The following BANP variants were observed in gnomAD, a reference collection of about 807,000 sequenced individuals.
The protein encoded by BANP is protein BANP.
A neutral mutation model predicts 68.1 loss-of-function variants in BANP; 11 were observed. The observed-to-expected ratio is 0.16, with a 90% confidence interval of 0.10 to 0.27. The LOEUF is 0.27. Among genes scored for constraint, BANP ranks in the 10% least tolerant of loss-of-function variants. The pLI is 1.00. For missense variants in BANP, 504 were observed against 722.7 expected, an observed-to-expected ratio of 0.70 and a Z score of 3.47; for synonymous variants, 329 against 303.2, an observed-to-expected ratio of 1.09 and a Z score of -0.88.
intron 7 of BANP, among the ~76,000 whole-genome samples, chr16:88,019,238 G>A (rs1420194502): frequency 6.6e-6 from 1 of 152,176 alleles, no homozygotes; most frequent in Non-Finnish European, 1.5e-5. Context: ...GGCGATTGCG[G>A]TACTGCCCTT....
intron 1 of BANP, among the ~76,000 whole-genome samples, chr16:87,966,134 G>C (rs1291537277): frequency 4.6e-5 from 7 of 152,192 alleles, no homozygotes; most frequent in Non-Finnish European, 8.8e-5. Flanking sequence ...TTCCATTTTG[G>C]TTCATGTAAT....
At chr16:88,052,925 C>T (rs1309746453) in intron 11 of BANP, among the ~76,000 whole-genome samples, 1 of 151,704 alleles carries the variant, frequency 6.6e-6, no homozygotes, top group East Asian at 1.9e-4. Flanking sequence ...AACACAACCA[C>T]CTTAACCACT....
At chr16:87,997,616 T>G (rs1021981693) in intron 4 of BANP, among the ~76,000 whole-genome samples, 4 of 143,504 alleles carry the variant, frequency 2.8e-5, no homozygotes, top group Non-Finnish European at 6.0e-5. Context: ...TGGCTGGGAG[T>G]GAGACCATGT....
chr16:87,977,742 C>T (rs1212490502), intron 2 of BANP, among the ~76,000 whole-genome samples: 2 of 152,232 alleles, frequency 1.3e-5, no homozygotes, highest in Non-Finnish European at 2.9e-5. Context: ...GATCATCTGA[C>T]TTGGCGTGTA....
intron 4 of BANP, among the ~76,000 whole-genome samples, chr16:88,001,775 T>A (rs1345695071): frequency 6.6e-6 from 1 of 152,192 alleles, no homozygotes; most frequent in African/African-American, 2.4e-5. Flanking sequence ...TTTCTTTTCT[T>A]TGAATTTTCG....
intron 5 of BANP, among the ~76,000 whole-genome samples, chr16:88,005,544 T>C (rs7500034): frequency 0.53 from 80,053 of 152,122 alleles, 21,718 homozygotes; most frequent in Admixed American, 0.6. Flanking sequence ...TGTTCTGTCC[T>C]TCCACATCAG....
intron 7 of BANP, among the ~76,000 whole-genome samples, chr16:88,024,334 G>A (rs2152701132): frequency 1.3e-5 from 2 of 152,242 alleles, no homozygotes; most frequent in East Asian, 1.9e-4. Context: ...CCTTTTTCTG[G>A]CTTTTGCCTC....
chr16:88,038,201 G>A (rs1469289563), intron 11 of BANP, among the ~76,000 whole-genome samples, 190 bp downstream of exon 11: 1 of 152,068 alleles, frequency 6.6e-6, no homozygotes, highest in Admixed American at 6.5e-5. Context: ...CCGAGGGGTG[G>A]GGCTCTCATG....
chr16:88,032,593 C>T (rs906177841), intron 8 of BANP, among the ~76,000 whole-genome samples: 13 of 152,204 alleles, frequency 8.5e-5, no homozygotes, highest in African/African-American at 3.1e-4. Flanking sequence ...AAAAGTTTTT[C>T]TGCGCTCTTA....
intron 4 of BANP, among the ~76,000 whole-genome samples, chr16:87,998,498 G>A (rs529834571): frequency 1.3e-5 from 2 of 152,312 alleles, no homozygotes; most frequent in East Asian, 1.9e-4. Flanking sequence ...CTGCCGACCC[G>A]GCTCCTGAGG....
At chr16:87,995,864 C>G (rs575801144) in intron 4 of BANP, among the ~76,000 whole-genome samples, 1 of 152,230 alleles carries the variant, frequency 6.6e-6, no homozygotes. Flanking sequence ...TTGTTCATGC[C>G]GTGAGCTGGA....
intron 5 of BANP, among the ~76,000 whole-genome samples, chr16:88,005,579 C>T (rs775097308): frequency 1.2e-3 from 188 of 152,306 alleles, no homozygotes; most frequent in Non-Finnish European, 2.0e-3. Context: ...ATGGCAGCTC[C>T]GATGGGATCT....
At chr16:88,032,287 C>T (rs745425670) in intron 8 of BANP, among the ~76,000 whole-genome samples, 14 of 151,854 alleles carry the variant, frequency 9.2e-5, no homozygotes, top group Admixed American at 2.6e-4. Flanking sequence ...TTACAACCTC[C>T]GCCTCCCAGG....
In BANP at chr16:88,018,591, G is replaced by A; in HGVS notation, c.819G>A (p.Gln273=). ...LLDYLFHREV[Q]AVSNLSGQGK... is the part of the protein sequence containing the mutation. ...ACTACCTCTTCCACCGCGAGGTGCA[G>A]GCTGTGTCCAACCTCTCGGGGCAGG... Residue 273 remains glutamine (Q), a synonymous_variant, in exon 7 of 14, where the codon CAG becomes CAA. Coordinates refer to ENST00000682872, the MANE Select transcript of BANP (RefSeq NM_001386991.1). This position sits in a 1 kb window ranked among gnomAD's most constrained non-coding sequence, Gnocchi z 7.7. 6.2e-7 allele frequency: 1 copy of A among 1,603,836 alleles called. No individual in the cohort carries two copies. Among genetic ancestry groups the A allele is most frequent in the Non-Finnish European group, 8.5e-7 (1 of 1,175,162 alleles).
chr16:87,988,917 C>G (rs1461180632), intron 4 of BANP, among the ~76,000 whole-genome samples: 1 of 152,182 alleles, frequency 6.6e-6, no homozygotes. Flanking sequence ...TGAAATCACC[C>G]CACCTGTTGG....
chr16:87,979,207 A>G (rs1190413924), intron 2 of BANP, among the ~76,000 whole-genome samples: 1 of 152,098 alleles, frequency 6.6e-6, no homozygotes, highest in Non-Finnish European at 1.5e-5. Flanking sequence ...TCGGAATGTC[A>G]ATGTATGTAA....
At chr16:88,056,532 C>G (rs2085088606) in intron 11 of BANP, among the ~76,000 whole-genome samples, 1 of 151,166 alleles carries the variant, frequency 6.6e-6, no homozygotes, top group Admixed American at 6.6e-5. Flanking sequence ...GTGTTTTACT[C>G]AGTTGAAACA....
rs1176865209 is a variant in BANP, at chr16:88,064,860, G to C, written c.1312-407G>C. ...GGCCTTCAGGCTGTCAGGAGGCCCTGGGAGGTGGCTAGAGCCCAGTGGCCT... is the reference window on the plus strand; with the variant it reads ...GGCCTTCAGGCTGTCAGGAGGCCCTCGGAGGTGGCTAGAGCCCAGTGGCCT... On this transcript the variant is annotated intron_variant, in intron 11 of 13. Transcript: ENST00000682872. The surrounding 1 kb of genome is among the most constrained non-coding windows in gnomAD (Gnocchi z 4.5). Among the ~76,000 whole-genome samples, 2 of 152,224 alleles carry C rather than the reference G, an allele frequency of 1.3e-5. No individual in the cohort carries two copies. Among genetic ancestry groups the C allele is most frequent in the Non-Finnish European group, 2.9e-5 (2 of 68,038 alleles).
At chr16:88,035,545 T>G in intron 10 of BANP, 151 bp downstream of exon 10, 1 of 686,400 alleles carries the variant, frequency 1.5e-6, no homozygotes, top group African/African-American at 1.8e-5. Context: ...AGGGTGCACA[T>G]AGCGGGCCTG....
Sources: allele counts gnomAD v4.1 joint callset (sites outside exome capture counted in the v4.1 genomes callset), GRCh38; gene constraint gnomAD v4.1.1; non-coding constraint Gnocchi (gnomAD v3.1); transcripts MANE v1.5; gene names NCBI Gene and HGNC (gene_info 2026-07-23, HGNC 2026-07-21).